Variants in PHEX observed in about 807,000 individuals in gnomAD.
PHEX encodes the protein phosphate regulating endopeptidase X-linked.
In PHEX, 16 loss-of-function variants were observed where a neutral mutation model predicts 68.0. The observed-to-expected ratio is 0.24, with a 90% CI of 0.16 to 0.36. The LOEUF is 0.36. Ranked by LOEUF, PHEX falls within the 10% of genes least tolerant of loss-of-function variation. PHEX has a pLI of 1.00. For synonymous variants in PHEX, 208 were observed against 205.1 expected (o/e 1.01, Z -0.12); for missense variants, 480 against 575.5 (o/e 0.83, Z 1.70).
chrX:22,056,057 T>C (rs1602258508), intron 3 of PHEX, among the ~76,000 whole-genome samples: 1 of 112,557 alleles, frequency 8.9e-6, no homozygotes, highest in East Asian at 2.8e-4. Flanking sequence ...TTCATTCCAT[T>C]CATTCTAAGT....
At chrX:22,222,155 G>A (rs1391391722) in intron 18 of PHEX, among the ~76,000 whole-genome samples, 2 of 111,854 alleles carry the variant, frequency 1.8e-5, no homozygotes, top group South Asian at 7.5e-4. Context: ...AGAAACCAGA[G>A]TCTGTATCCT....
At chrX:22,062,410 G>C (rs1928408850) in intron 3 of PHEX, among the ~76,000 whole-genome samples, 1 of 111,775 alleles carries the variant, frequency 8.9e-6, no homozygotes, top group Non-Finnish European at 1.9e-5. Flanking sequence ...CAGCAGTTGG[G>C]ATGATATATT....
chrX:22,047,350 A>G, intron 3 of PHEX, 139 bp downstream of exon 3: 1 of 565,412 alleles, frequency 1.8e-6, no homozygotes. Flanking sequence ...TTTAAAATGA[A>G]AGATTGAAAG....
At chrX:22,117,030 G>T (rs1931264182) in intron 11 of PHEX, among the ~76,000 whole-genome samples, 1 of 111,944 alleles carries the variant, frequency 8.9e-6, no homozygotes, top group Non-Finnish European at 1.9e-5. Context: ...TCAGTACCTA[G>T]ACCCATTTAG....
chrX:22,134,106 G>A lies in PHEX; in HGVS notation c.1404+482G>A, dbSNP rs2269462. On this transcript the variant is annotated intron_variant, in intron 12 of 21. Transcript: ENST00000379374. Reference sequence around the variant, plus strand: ...CTGTAACCAAGCATATCTCCTTCCCGACCCATCATTTGGCACAAATGACCC... The same window carrying A: ...CTGTAACCAAGCATATCTCCTTCCCAACCCATCATTTGGCACAAATGACCC... 1.3e-3 allele frequency among the ~76,000 whole-genome samples: 140 copies of A among 111,853 alleles called. 1 individual carries two copies. The East Asian group carries it at 0.035, about 28-fold the overall frequency.
At chrX:22,231,389 T>C (rs1236516856) in intron 20 of PHEX, among the ~76,000 whole-genome samples, 1 of 111,825 alleles carries the variant, frequency 8.9e-6, no homozygotes, top group Non-Finnish European at 1.9e-5. Flanking sequence ...CGGCTGTGAA[T>C]CTGTCTGGTC....
intron 3 of PHEX, among the ~76,000 whole-genome samples, chrX:22,050,334 T>C (rs780225274): frequency 3.4e-4 from 38 of 111,554 alleles, no homozygotes; most frequent in African/African-American, 1.1e-3. Flanking sequence ...TCCCAGCACT[T>C]TGGAAGAACA....
At chrX:22,162,238 T>C (rs1933157715) in intron 12 of PHEX, among the ~76,000 whole-genome samples, 2 of 112,255 alleles carry the variant, frequency 1.8e-5, no homozygotes, top group African/African-American at 6.5e-5. Flanking sequence ...CTGGCTTTGC[T>C]AGGAAAATCT....
At chrX:22,056,959 A>AGGT (rs1478050001) in intron 3 of PHEX, among the ~76,000 whole-genome samples, 1 of 109,838 alleles carries the variant, frequency 9.1e-6, no homozygotes, top group East Asian at 2.8e-4. Context: ...GGTGGAATTG[A>AGGT]GGTGTGATGT....
intron 3 of PHEX, among the ~76,000 whole-genome samples, chrX:22,060,888 G>A (rs1228589516): frequency 9.0e-6 from 1 of 111,618 alleles, no homozygotes; most frequent in Non-Finnish European, 1.9e-5. Context: ...ATTTTACTTT[G>A]CAGTTGTTCA....
At chrX:22,098,429 TAGTG>T (rs1344654286) in intron 8 of PHEX, among the ~76,000 whole-genome samples, 1 of 107,199 alleles carries the variant, frequency 9.3e-6, no homozygotes, top group Non-Finnish European at 1.9e-5. Context: ...ATTACTGTGT[TAGTG>T]TGTGTGTGGG....
In PHEX at chrX:22,152,308, A is replaced by G. The variant is rs746853578; in HGVS notation, c.1405-16004A>G. Among the ~76,000 whole-genome samples the G allele has an allele frequency of 2.7e-5, 3 of 111,858 alleles. No homozygotes were observed. The South Asian group carries it at 1.1e-3, about 42-fold the overall frequency. ...GATGATGAAGTAAAGTACTTAGCAC[A>G]GTACCTGGTTTATAGTAAGGGTTTA... On this transcript the variant is annotated intron_variant, in intron 12 of 21. Coordinates refer to ENST00000379374, the MANE Select transcript of PHEX (RefSeq NM_000444.6).
intron 12 of PHEX, among the ~76,000 whole-genome samples, chrX:22,147,910 G>GTTTTTTTT (rs11393085): frequency 1.0e-5 from 1 of 99,386 alleles, no homozygotes; most frequent in Non-Finnish European, 2.0e-5. Context: ...TTTGTGCTAT[G>GTTTTTTTT]TTTTTTTTTT....
intron 11 of PHEX, among the ~76,000 whole-genome samples, chrX:22,115,513 A>G (rs761746998): frequency 8.9e-5 from 10 of 111,893 alleles, no homozygotes; most frequent in African/African-American, 3.2e-4. Context: ...TAGTAACTAT[A>G]GTCACCATGC....
At chrX:22,083,623 A>G (rs1929491506) in intron 5 of PHEX, among the ~76,000 whole-genome samples, 1 of 111,871 alleles carries the variant, frequency 8.9e-6, no homozygotes, top group South Asian at 3.7e-4. Flanking sequence ...TGTAAATGAT[A>G]TTGTTTATTG....
chrX:22,159,512 A>G (rs1933047638), intron 12 of PHEX, among the ~76,000 whole-genome samples: 1 of 111,842 alleles, frequency 8.9e-6, no homozygotes, highest in Non-Finnish European at 1.9e-5. Flanking sequence ...AACAACAACA[A>G]CAACACAAAA....
intron 12 of PHEX, chrX:22,163,118 C>G (rs745952914): frequency 9.0e-6 from 1 of 111,692 alleles, no homozygotes; most frequent in East Asian, 2.8e-4. Flanking sequence ...TAGGACAAAC[C>G]CCAGAGCAAG....
At chrX:22,097,415 C>G (rs1930190473) in intron 8 of PHEX, among the ~76,000 whole-genome samples, 1 of 112,052 alleles carries the variant, frequency 8.9e-6, no homozygotes, top group African/African-American at 3.2e-5. Flanking sequence ...ACTCATGGTT[C>G]CAAGGTATCC....
rs144644683 is a variant in PHEX at position 22,128,064 on chromosome X, A to G, written c.1303-5459A>G. On this transcript the variant is annotated intron_variant, in intron 11 of 21. Transcript: ENST00000379374. ...CAAAGAGCTTTGAAAACCTTTTCTT[A>G]TTTATTTATTTAGAGACGGAATCTT... 5.6e-3 allele frequency among the ~76,000 whole-genome samples: 630 copies of G among 111,629 alleles called. 7 individuals are homozygous for G. The highest frequency in any genetic ancestry group is 0.019 in the African/African-American group (595 of 30,737).
Sources: allele counts gnomAD v4.1 joint callset (sites outside exome capture counted in the v4.1 genomes callset), GRCh38; gene constraint gnomAD v4.1.1; transcripts MANE v1.5; gene names NCBI Gene and HGNC (gene_info 2026-07-23, HGNC 2026-07-21).